Variants in CYP27A1 observed in about 807,000 individuals in gnomAD.
CYP27A1 encodes the protein sterol 26-hydroxylase, mitochondrial.
Under a neutral mutation model 58.2 loss-of-function variants are expected in CYP27A1, and 46 were observed. The observed-to-expected ratio is 0.79, with a 90% CI of 0.62 to 1.01. CYP27A1 has a LOEUF of 1.01. CYP27A1 is among the 50% of genes least tolerant of loss of function. The pLI, the probability that CYP27A1 is intolerant of heterozygous loss-of-function variation, is 0.00. For missense variants in CYP27A1, 704 were observed against 687.0 expected, an observed-to-expected ratio of 1.02 and a Z score of -0.28; for synonymous variants, 274 against 285.1, an observed-to-expected ratio of 0.96 and a Z score of 0.39.
chr2:218,808,456 G>A (rs1559390983), intron 1 of CYP27A1, among the ~76,000 whole-genome samples: 1 of 152,222 alleles, frequency 6.6e-6, no homozygotes, highest in East Asian at 1.9e-4. Flanking sequence ...GGTCCTAGGA[G>A]AATCCAGTTT....
intron 1 of CYP27A1, among the ~76,000 whole-genome samples, chr2:218,798,494 G>T (rs572692848): frequency 6.6e-6 from 1 of 152,280 alleles, no homozygotes; most frequent in East Asian, 1.9e-4. Context: ...ATAATTAAGG[G>T]TGTGGTTAAT....
chr2:218,783,544 A>G (rs1166763583), intron 1 of CYP27A1, among the ~76,000 whole-genome samples: 1 of 152,226 alleles, frequency 6.6e-6, no homozygotes, highest in Non-Finnish European at 1.5e-5. Flanking sequence ...TGTTCTAGGC[A>G]TGGTTCCAAG....
rs766885879 is a variant in CYP27A1 at position 218,809,625 on chromosome 2, C to A, written c.304C>A (p.Pro102Thr). 3 of 1,613,960 alleles carry A rather than the reference C, an allele frequency of 1.9e-6. No individual in the cohort carries two copies. In the African/African-American group the frequency reaches 4.0e-5, roughly 22 times the overall value. ...TCCAATGTGGATGTCCTACTTAGGG[C>A]CTCAGATGCACGTGAACCTGGCCAG... ...YGPMWMSYLG[P>T]QMHVNLASAP... The change falls in exon 2 of 9, where the codon CCT becomes ACT. Residue 102 changes from proline to threonine, a missense_variant. By Grantham distance (38) the Pro-to-Thr change is conservative (BLOSUM62 -1). Transcript: ENST00000258415.
chr2:218,806,291 A>G (rs1943649868), intron 1 of CYP27A1, among the ~76,000 whole-genome samples: 1 of 152,270 alleles, frequency 6.6e-6, no homozygotes, highest in African/African-American at 2.4e-5. Context: ...GTCTTCTAAA[A>G]TTAAAGAATT....
intron 1 of CYP27A1, among the ~76,000 whole-genome samples, chr2:218,786,785 T>C (rs1943444755): frequency 6.6e-6 from 1 of 152,018 alleles, no homozygotes. Flanking sequence ...TGTTATCATA[T>C]TTCTCTTTCT....
intron 1 of CYP27A1, among the ~76,000 whole-genome samples, chr2:218,783,846 G>C (rs994649969): frequency 5.3e-5 from 8 of 152,134 alleles, no homozygotes; most frequent in Admixed American, 2.0e-4. Flanking sequence ...AGGAGGAGCT[G>C]TGGGGACTGG....
At chr2:218,800,903 A>T (rs1052316731) in intron 1 of CYP27A1, among the ~76,000 whole-genome samples, 1 of 152,232 alleles carries the variant, frequency 6.6e-6, no homozygotes, top group African/African-American at 2.4e-5. Flanking sequence ...TATCTTTTTC[A>T]ATAAACACAC....
intron 1 of CYP27A1, among the ~76,000 whole-genome samples, chr2:218,805,572 T>C (rs116303842): frequency 6.4e-4 from 95 of 149,400 alleles, no homozygotes; most frequent in Non-Finnish European, 1.1e-3. Context: ...TCCTTAAGAA[T>C]GGTCTTTTAT....
At chr2:218,783,272 A>AAAAG (rs1553614384) in intron 1 of CYP27A1, among the ~76,000 whole-genome samples, 1 of 151,092 alleles carries the variant, frequency 6.6e-6, no homozygotes, top group African/African-American at 2.4e-5. Context: ...AAAAAAAAAA[A>AAAAG]AAAAGAAAAA....
At chr2:218,807,427 C>T (rs573426012) in intron 1 of CYP27A1, among the ~76,000 whole-genome samples, 1 of 152,296 alleles carries the variant, frequency 6.6e-6, no homozygotes, top group East Asian at 1.9e-4. Context: ...GGATTCCCTG[C>T]CTTCTAGAAC....
At chr2:218,809,086 T>G (rs1943681597) in intron 1 of CYP27A1, among the ~76,000 whole-genome samples, 1 of 152,204 alleles carries the variant, frequency 6.6e-6, no homozygotes. Flanking sequence ...TTATTGTTTT[T>G]TCTGTTTTCT....
In CYP27A1 at chr2:218,782,401, C is replaced by T. The variant is rs1401090157; in HGVS notation, c.219C>T (p.Phe73=). 1.9e-6 allele frequency: 3 copies of T among 1,614,042 alleles called. No individual in the cohort carries two copies. The highest frequency in any genetic ancestry group is 1.7e-6 in the Non-Finnish European group (2 of 1,180,008). ...AGCTGCGCTTCTTCTTTCAGCTGTT[C>T]GTTCAAGGCTATGCCCTGCAACTGC... The part of the protein sequence containing the change: ...LGQLRFFFQL[F]VQGYALQLHQ... Residue 73 remains phenylalanine, a synonymous_variant, in exon 1 of 9, where the codon TTC becomes TTT. Transcript: ENST00000258415. This position sits in a 1 kb window ranked among gnomAD's most constrained non-coding sequence, Gnocchi z 4.1.
Position 218,814,203 on chromosome 2 carries a change from G to T in CYP27A1, c.1184+16G>T, listed in dbSNP as rs1445661658. ...AGACTCTGCGGTAGGACAGAATGCT[G>T]TTCTGGGGGGCACAGGATCTCTTTG... On this transcript the variant is annotated intron_variant, in intron 6 of 8. Transcript: ENST00000258415. The T allele has an allele frequency of 1.9e-6, 3 of 1,614,194 alleles. No homozygotes were observed. The East Asian group carries it at 6.7e-5, about 36-fold the overall frequency.
At chr2:218,792,064 T>TAC (rs61540539) in intron 1 of CYP27A1, among the ~76,000 whole-genome samples, 16,825 of 149,964 alleles carry the variant, frequency 0.11, 1,347 homozygotes, top group African/African-American at 0.22. Context: ...TAGAAGTCAC[T>TAC]ACACACACAC....
chr2:218,782,318 G>A lies in CYP27A1; in HGVS notation c.136G>A (p.Ala46Thr), dbSNP rs1466384938. ...PSDKATGAPG[A>T]GPGVRRRQRS... ...GGACAAGGCCACCGGAGCTCCCGGA[G>A]CCGGGCCTGGTGTCCGGCGGCGGCA... Residue 46 changes from alanine to threonine, a missense_variant, in exon 1 of 9, where the codon GCC becomes ACC. Transcript: ENST00000258415. This position sits in a 1 kb window ranked among gnomAD's most constrained non-coding sequence, Gnocchi z 4.1. The A allele has an allele frequency of 1.9e-6, 3 of 1,612,050 alleles. No homozygotes were observed. Among genetic ancestry groups the A allele is most frequent in the Admixed American group, 1.7e-5 (1 of 59,690 alleles).
intron 2 of CYP27A1, among the ~76,000 whole-genome samples, chr2:218,810,652 G>A (rs11695405): frequency 8.5e-5 from 13 of 152,070 alleles, no homozygotes; most frequent in African/African-American, 1.4e-4. Flanking sequence ...TAACAACCAC[G>A]TTTAAGTTCT....
chr2:218,813,192 A>G, intron 5 of CYP27A1, 96 bp downstream of exon 5: 2 of 1,146,028 alleles, frequency 1.7e-6, no homozygotes, highest in South Asian at 1.6e-5. Flanking sequence ...TCATCCCTCC[A>G]AGGACCTGCT....
intron 1 of CYP27A1, among the ~76,000 whole-genome samples, chr2:218,803,711 C>A (rs949763376): frequency 2.0e-5 from 3 of 147,928 alleles, no homozygotes; most frequent in Non-Finnish European, 4.5e-5. Flanking sequence ...TGTGAGCCAC[C>A]GTGCCCCCGT....
intron 1 of CYP27A1, among the ~76,000 whole-genome samples, chr2:218,785,485 C>G (rs1169753445): frequency 6.6e-6 from 1 of 151,832 alleles, no homozygotes; most frequent in Admixed American, 6.6e-5. Flanking sequence ...ATGGGAGAGA[C>G]CCAGTAAATG....
Sources: gnomAD v4.1 joint callset for allele counts (sites outside exome capture counted in the v4.1 genomes callset) on GRCh38, gnomAD v4.1.1 for gene constraint, Gnocchi (gnomAD v3.1) non-coding constraint, MANE v1.5 for transcripts, NCBI Gene and HGNC (gene_info 2026-07-23, HGNC 2026-07-21) for gene names.